The following PLCG2 variants were observed in gnomAD, a reference collection of about 807,000 sequenced individuals.
PLCG2 encodes phospholipase C gamma 2.
In PLCG2, 69 loss-of-function variants were observed where a neutral mutation model predicts 175.6. The observed-to-expected ratio is 0.39, with a 90% CI of 0.32 to 0.48. The LOEUF (loss-of-function observed/expected upper bound fraction) is 0.48, where lower values mean the gene tolerates loss of function less well. Ranked by LOEUF, PLCG2 falls within the 20% of genes least tolerant of loss-of-function variation. The pLI, the probability that PLCG2 is intolerant of heterozygous loss-of-function variation, is 0.91. For missense variants in PLCG2, 1,798 were observed against 1,650.9 expected (o/e 1.09, Z -1.54); for synonymous variants, 827 against 624.0 (o/e 1.33, Z -4.85).
At chr16:81,754,214 C>G (rs963532651) in intron 1 of PLCG2, among the ~76,000 whole-genome samples, 2 of 151,714 alleles carry the variant, frequency 1.3e-5, no homozygotes, top group African/African-American at 4.8e-5. Flanking sequence ...GAGAAGCTTC[C>G]TGGGGAAACT....
intron 2 of PLCG2, among the ~76,000 whole-genome samples, chr16:81,851,803 A>T (rs375982273): frequency 0.064 from 9,783 of 152,220 alleles, 351 homozygotes; most frequent in Non-Finnish European, 0.087. Flanking sequence ...GTGGGCCACC[A>T]GTGCCCGGCT....
intron 2 of PLCG2, among the ~76,000 whole-genome samples, chr16:81,827,903 C>G (rs879270082): frequency 6.6e-6 from 1 of 151,978 alleles, no homozygotes; most frequent in Non-Finnish European, 1.5e-5. Context: ...CCAACCTGAT[C>G]AACATGGAGA....
intron 23 of PLCG2, 108 bp downstream of exon 23, chr16:81,927,286 G>T: frequency 1.3e-6 from 1 of 755,982 alleles, no homozygotes; most frequent in South Asian, 1.5e-5. Flanking sequence ...GCTGCTTGTG[G>T]TCTCTGTGGA....
rs571608267 is a variant in PLCG2 at position 81,919,697 on chromosome 16, A to G, written c.2235+33A>G. The G allele has an allele frequency of 7.0e-6, 11 of 1,581,522 alleles. No homozygotes were observed. In the East Asian group the frequency reaches 2.3e-4, roughly 32 times the overall value. Reference sequence around the variant, plus strand: ...GTGGACTCCCTTGTGATTTGGTGGGATTTCTTGTCTGAGGTTGTAACTCAT... The same window carrying G: ...GTGGACTCCCTTGTGATTTGGTGGGGTTTCTTGTCTGAGGTTGTAACTCAT... On this transcript the variant is annotated intron_variant, in intron 20 of 32. Coordinates refer to ENST00000564138, the MANE Select transcript of PLCG2 (RefSeq NM_002661.5).
chr16:81,828,090 C>CA (rs763973143), intron 2 of PLCG2, among the ~76,000 whole-genome samples: 4,290 of 49,668 alleles, frequency 0.086, 410 homozygotes, highest in African/African-American at 0.24. Context: ...AACTCCGTCT[C>CA]AAAAAAAAAA....
chr16:81,892,638 A>G (rs1243298916), intron 11 of PLCG2, among the ~76,000 whole-genome samples: 1 of 146,246 alleles, frequency 6.8e-6, no homozygotes, highest in Non-Finnish European at 1.5e-5. Context: ...GAAGACAGTT[A>G]AGAAATACAA....
intron 1 of PLCG2, among the ~76,000 whole-genome samples, chr16:81,746,163 G>A (rs1243340046): frequency 6.6e-6 from 1 of 152,182 alleles, no homozygotes; most frequent in Non-Finnish European, 1.5e-5. Flanking sequence ...GGTGCTCAGG[G>A]CACTGTGGCA....
Position 81,878,004 on chromosome 16 carries a change from G to C in PLCG2, c.649-2906G>C, listed in dbSNP as rs555918609. On this transcript the variant is annotated intron_variant, in intron 7 of 32. Coordinates refer to ENST00000564138, the MANE Select transcript of PLCG2 (RefSeq NM_002661.5). ...TTTTTTTTTTTTTTTTTTTTTGAGA[G>C]GGAGTCTCGCTCTGTCACCCAGGCT... Among the ~76,000 whole-genome samples, 309 of 107,934 alleles carry C rather than the reference G, an allele frequency of 2.9e-3. 3 individuals are homozygous for C. Among genetic ancestry groups the C allele is most frequent in the Middle Eastern group, 6.4e-3 (1 of 156 alleles). The allele number at this position is 107,934 out of a possible 152,430, so 70.8% of individuals were successfully genotyped here.
chr16:81,791,495 G>T (rs147817611), intron 2 of PLCG2, among the ~76,000 whole-genome samples: 91 of 152,278 alleles, frequency 6.0e-4, no homozygotes, highest in Middle Eastern at 3.4e-3. Context: ...CGCCTGGAAG[G>T]TTCCAGAATC....
At chr16:81,822,390 A>C (rs1472584220) in intron 2 of PLCG2, among the ~76,000 whole-genome samples, 1 of 152,172 alleles carries the variant, frequency 6.6e-6, no homozygotes, top group Admixed American at 6.6e-5. Flanking sequence ...GATGAAATTA[A>C]GTGAAGAAGG....
chr16:81,828,067 G>T (rs564141797), intron 2 of PLCG2, among the ~76,000 whole-genome samples: 1 of 129,118 alleles, frequency 7.7e-6, no homozygotes, highest in African/African-American at 3.1e-5. Context: ...TCCAGCCTGC[G>T]CAACAAGAGC....
At chr16:81,882,040 C>T (rs912761444) in intron 8 of PLCG2, among the ~76,000 whole-genome samples, 1 of 152,184 alleles carries the variant, frequency 6.6e-6, no homozygotes, top group Non-Finnish European at 1.5e-5. Flanking sequence ...TAATCAAAGA[C>T]AACAGACTCC....
At chr16:81,893,614 C>G in intron 11 of PLCG2, 95 bp from the exon 12 acceptor site, 2 of 753,098 alleles carry the variant, frequency 2.7e-6, no homozygotes, top group Non-Finnish European at 4.7e-6. Flanking sequence ...GCGGCTCGGG[C>G]GGAGAAGTTC....
intron 13 of PLCG2, chr16:81,898,008 C>A: frequency 2.7e-6 from 1 of 371,238 alleles, no homozygotes; most frequent in South Asian, 2.0e-5. Context: ...GGGGTCCTAG[C>A]CCTTCTAAGT....
intron 1 of PLCG2, among the ~76,000 whole-genome samples, chr16:81,784,840 A>G (rs1274490007): frequency 1.3e-5 from 2 of 152,110 alleles, no homozygotes; most frequent in African/African-American, 2.4e-5. Context: ...GTTCAGCTCC[A>G]GGGCCTGGGG....
Position 81,938,915 on chromosome 16 carries a change from A to G in PLCG2, c.3313A>G (p.Asn1105Asp), listed in dbSNP as rs1910826446. The part of the protein sequence containing the change: ...DNNKFKTTVV[N>D]DNGLSPIWAP... ...CAACAAGTTCAAGACGACGGTTGTG[A>G]GTAAGTCAGTCACCTTGGCCCCTCT... The change falls in exon 29 of 33, where the codon AAT (asparagine) becomes GAT (aspartate). Residue 1105 changes from asparagine (N) to aspartate (D), a missense_variant and splice_region_variant. Coordinates refer to ENST00000564138, the MANE Select transcript of PLCG2 (RefSeq NM_002661.5). 3 of 1,575,570 alleles carry G rather than the reference A, an allele frequency of 1.9e-6. No individual in the cohort carries two copies. Among genetic ancestry groups the G allele is most frequent in the Non-Finnish European group, 2.6e-6 (3 of 1,146,172 alleles).
At chr16:81,907,553 C>T (rs1909428621) in intron 15 of PLCG2, 132 bp from the exon 16 acceptor site, 2 of 554,018 alleles carry the variant, frequency 3.6e-6, no homozygotes, top group Non-Finnish European at 6.6e-6. Flanking sequence ...AGAGAATTCG[C>T]CATAAATGTC....
chr16:81,794,558 A>G (rs1391813003), intron 2 of PLCG2, among the ~76,000 whole-genome samples: 1 of 152,196 alleles, frequency 6.6e-6, no homozygotes, highest in Non-Finnish European at 1.5e-5. Flanking sequence ...TGCACTTGGT[A>G]GGGGTGTGAC....
chr16:81,862,696 C>A (rs1175105052), intron 5 of PLCG2, among the ~76,000 whole-genome samples: 1 of 151,938 alleles, frequency 6.6e-6, no homozygotes, highest in South Asian at 2.1e-4. Context: ...ATGGGGAAAC[C>A]CTGTCTATAC....
Sources: gnomAD v4.1 joint callset for allele counts (sites outside exome capture counted in the v4.1 genomes callset) on GRCh38, gnomAD v4.1.1 for gene constraint, MANE v1.5 for transcripts, NCBI Gene and HGNC (gene_info 2026-07-23, HGNC 2026-07-21) for gene names.